The following RARB variants were observed in gnomAD, a reference collection of about 807,000 sequenced individuals.
The protein encoded by RARB is retinoic acid receptor beta.
RARB carries 17 observed loss-of-function variants against 51.9 expected under a neutral mutation model. That is an observed-to-expected ratio of 0.33 (90% CI 0.22 to 0.49). RARB has a LOEUF of 0.49. RARB is among the 20% of genes least tolerant of loss of function. RARB has a pLI of 0.99. For missense variants in RARB, 369 were observed against 550.8 expected (o/e 0.67, Z 3.30); for synonymous variants, 215 against 195.4 (o/e 1.10, Z -0.84).
chr3:25,387,934 G>A (rs931559565), intron 5 of RARB, among the ~76,000 whole-genome samples: 1 of 151,706 alleles, frequency 6.6e-6, no homozygotes, highest in African/African-American at 2.4e-5. Context: ...TGAAACTATT[G>A]GATAAAATGA....
At chr3:25,030,944 A>T (rs995630903) in intron 2 of RARB, among the ~76,000 whole-genome samples, 4 of 152,212 alleles carry the variant, frequency 2.6e-5, no homozygotes, top group South Asian at 4.1e-4. Flanking sequence ...TCTCATCCCC[A>T]GGTATTTACT....
At chr3:24,940,533 A>T (rs1052221904) in intron 2 of RARB, among the ~76,000 whole-genome samples, 4 of 152,228 alleles carry the variant, frequency 2.6e-5, no homozygotes, top group African/African-American at 9.6e-5. Flanking sequence ...GCAACAACTC[A>T]AATTTCCTCT....
chr3:25,403,969 T>C (rs1457235538), intron 5 of RARB, among the ~76,000 whole-genome samples: 1 of 151,812 alleles, frequency 6.6e-6, no homozygotes, highest in African/African-American at 2.4e-5. Flanking sequence ...AATAACTTTT[T>C]ACTGAATATT....
At chr3:25,083,959 T>A (rs546877247) in intron 3 of RARB, among the ~76,000 whole-genome samples, 1 of 152,162 alleles carries the variant, frequency 6.6e-6, no homozygotes, top group African/African-American at 2.4e-5. Flanking sequence ...CAAACTGAAA[T>A]GTTGTCCAGT....
chr3:24,891,963 C>G (rs1416305632), intron 2 of RARB, among the ~76,000 whole-genome samples: 1 of 152,030 alleles, frequency 6.6e-6, no homozygotes, highest in East Asian at 1.9e-4. Flanking sequence ...GAGAATTTAC[C>G]AAAGGAGATG....
intron 2 of RARB, among the ~76,000 whole-genome samples, chr3:24,920,350 G>A (rs1695192526): frequency 6.6e-6 from 1 of 152,134 alleles, no homozygotes; most frequent in African/African-American, 2.4e-5. Flanking sequence ...AACCAGCTCA[G>A]AAAGGAAAAT....
Position 25,451,366 on chromosome 3 carries a change from G to A in RARB, c.158-9827G>A, listed in dbSNP as rs1423753683. The stretch of plus-strand genomic sequence containing the variant: ...GAGAGATTCAAATTCAGGTCCACCT[G>A]GCAGCAAAGCTTACCACTTTCCCGT... On this transcript the variant is annotated intron_variant, in intron 1 of 7. Coordinates refer to ENST00000330688, the MANE Select transcript of RARB (RefSeq NM_000965.5). Among the ~76,000 whole-genome samples, 28 of 152,186 alleles carry A rather than the reference G, an allele frequency of 1.8e-4. 1 individual carries two copies. The highest frequency in any genetic ancestry group is 1.5e-5 in the Non-Finnish European group (1 of 68,032).
chr3:25,344,536 C>G lies in RARB; in HGVS notation c.179-116657C>G, dbSNP rs1705328839. Among the ~76,000 whole-genome samples the G allele has an allele frequency of 3.3e-5, 5 of 152,244 alleles. No individual in the cohort carries two copies. In the South Asian group the frequency reaches 1.0e-3, roughly 32 times the overall value. On this transcript the variant is annotated intron_variant, in intron 5 of 11. Coordinates refer to the RARB transcript ENST00000383772. ...CTACAATTCATGTTTCAGAAGTGCT[C>G]AGTTTGGTATTTGTTGACAAATTTT...
intron 2 of RARB, among the ~76,000 whole-genome samples, chr3:24,985,183 G>A (rs1575106063): frequency 6.6e-6 from 1 of 152,016 alleles, no homozygotes; most frequent in African/African-American, 2.4e-5. Context: ...CCTTTTACTC[G>A]TTCACATACT....
intron 5 of RARB, among the ~76,000 whole-genome samples, chr3:25,308,949 TA>T (rs1704218209): frequency 2.6e-5 from 4 of 152,048 alleles, no homozygotes; most frequent in African/African-American, 9.7e-5. Context: ...TTCTAGAAGT[TA>T]TATTTCTTGT....
Position 25,516,703 on chromosome 3 carries a change from T to C in RARB, c.448+15380T>C, listed in dbSNP as rs1350154031. ...GTGCAGTGATGCAATCTTGGCTCACTGCAATCTCTGCCTCCTGGGTTCAAG... is the reference window on the plus strand; with the variant it reads ...GTGCAGTGATGCAATCTTGGCTCACCGCAATCTCTGCCTCCTGGGTTCAAG... On this transcript the variant is annotated intron_variant, in intron 3 of 7. Coordinates refer to ENST00000330688, the MANE Select transcript of RARB (RefSeq NM_000965.5). Among the ~76,000 whole-genome samples, 4 of 151,390 alleles carry C rather than the reference T, an allele frequency of 2.6e-5. No homozygotes were observed. The South Asian group carries it at 6.2e-4, about 24-fold the overall frequency.
chr3:25,171,642 G>GGAAAAAAAAAAAAA (rs1559491263), intron 4 of RARB, among the ~76,000 whole-genome samples: 1 of 2,368 alleles, frequency 4.2e-4, no homozygotes, highest in Non-Finnish European at 1.0e-3. Flanking sequence ...TCCCTGGTTG[G>GGAAAAAAAAAAAAA]TAAAAAAAAA....
At chr3:25,162,745 C>T (rs1030307749) in intron 4 of RARB, among the ~76,000 whole-genome samples, 2 of 152,198 alleles carry the variant, frequency 1.3e-5, no homozygotes, top group Non-Finnish European at 2.9e-5. Context: ...TGTAATAGAA[C>T]AATCCCTACT....
intron 2 of RARB, among the ~76,000 whole-genome samples, chr3:24,912,008 TAAA>T (rs1049010995): frequency 6.6e-6 from 1 of 152,182 alleles, no homozygotes; most frequent in Non-Finnish European, 1.5e-5. Context: ...CGTGCAATGA[TAAA>T]AAAACATGAG....
intron 2 of RARB, among the ~76,000 whole-genome samples, chr3:25,040,337 G>A (rs1474955891): frequency 6.6e-6 from 1 of 152,190 alleles, no homozygotes; most frequent in Non-Finnish European, 1.5e-5. Context: ...GGAAGCCAAT[G>A]GAAATATTCA....
Position 25,352,791 on chromosome 3 carries a change from A to G in RARB, c.179-108402A>G, listed in dbSNP as rs143579217. On this transcript the variant is annotated intron_variant, in intron 5 of 11. Transcript: ENST00000383772. ...TAAGTAACATCACTCATTACTTTCC[A>G]CTTCCTTCTTGAGCTGTGTGTATAG... 6.0e-4 allele frequency among the ~76,000 whole-genome samples: 91 copies of G among 152,232 alleles called. 1 individual carries two copies. The highest frequency in any genetic ancestry group is 3.4e-3 in the Middle Eastern group (1 of 294).
intron 5 of RARB, among the ~76,000 whole-genome samples, chr3:25,378,871 A>G (rs965053020): frequency 3.3e-5 from 5 of 152,220 alleles, no homozygotes; most frequent in African/African-American, 7.2e-5. Context: ...GGAAGATAGC[A>G]GCTTGAGAGG....
intron 5 of RARB, among the ~76,000 whole-genome samples, chr3:25,367,710 C>T (rs1485574328): frequency 6.7e-6 from 1 of 149,174 alleles, no homozygotes; most frequent in African/African-American, 2.5e-5. Context: ...TCTGCAGTCT[C>T]AGCTACCTGG....
intron 2 of RARB, among the ~76,000 whole-genome samples, chr3:24,861,463 AT>A (rs1239655316): frequency 1.3e-5 from 2 of 152,124 alleles, no homozygotes; most frequent in Non-Finnish European, 2.9e-5. Flanking sequence ...CTAGAAAAAA[AT>A]AATCAAGGAC....
Sources: gnomAD v4.1 joint callset for allele counts (sites outside exome capture counted in the v4.1 genomes callset) on GRCh38, gnomAD v4.1.1 for gene constraint, MANE v1.5 for transcripts, NCBI Gene and HGNC (gene_info 2026-07-23, HGNC 2026-07-21) for gene names.